The following SLC15A1 variants were observed in gnomAD, a reference collection of about 807,000 sequenced individuals.
The protein encoded by SLC15A1 is solute carrier family 15 member 1.
SLC15A1 carries 83 observed loss-of-function variants against 92.9 expected under a neutral mutation model. The ratio of observed to expected loss-of-function variants is 0.89; its 90% CI spans 0.75 to 1.07. The LOEUF (loss-of-function observed/expected upper bound fraction) is 1.07. Ranked by LOEUF, SLC15A1 falls within the 50% of genes least tolerant of loss-of-function variation. The pLI, the probability that SLC15A1 is intolerant of heterozygous loss-of-function variation, is 0.00. For synonymous variants in SLC15A1, 322 were observed against 318.2 expected (o/e 1.01, Z -0.13); for missense variants, 857 against 880.1 (o/e 0.97, Z 0.33).
chr13:98,684,889 C>T lies in SLC15A1; in HGVS notation c.1962G>A (p.Ala654=), dbSNP rs143994270. 5.3e-5 allele frequency: 86 copies of T among 1,613,538 alleles called. No homozygotes were observed. The Middle Eastern group carries it at 6.6e-4, about 12-fold the overall frequency. The change falls in exon 23 of 23, where the codon GCG becomes GCA. Residue 654 remains alanine (A), a synonymous_variant. Transcript: ENST00000376503. The stretch of plus-strand genomic sequence containing the variant: ...AAATTACACAGACGACCAGAAGCAA[C>T]GCGGCAAATAGAATGTACTCGGCCC... The part of the protein sequence containing the change: ...KQWAEYILFA[A]LLLVVCVIFA...
At position 98,721,839 on chromosome 13, in the gene SLC15A1, A is replaced by T. The variant is rs1362784534; in HGVS notation, c.430T>A (p.Ser144Thr). ...LGTGGIKPCV[S>T]AFGGDQFEEG... is the part of the protein sequence containing the mutation. ...TCAAACTGATCTCCACCAAACGCAG[A>T]CACACAGGGTTTGATTCCTCCAGTC... Residue 144 changes from serine to threonine, a missense_variant, in exon 6 of 23, where the codon TCT becomes ACT. Ser to Thr is a moderately conservative substitution (Grantham distance 58). Transcript: ENST00000376503. 1 of 1,614,128 alleles carries T rather than the reference A, an allele frequency of 6.2e-7. No individual in the cohort carries two copies. Among genetic ancestry groups the T allele is most frequent in the South Asian group, 1.1e-5 (1 of 91,066 alleles).
intron 1 of SLC15A1, 24 bp downstream of exon 1, chr13:98,752,571 C>A (rs2088556244): frequency 4.0e-6 from 5 of 1,262,198 alleles, no homozygotes; most frequent in Admixed American, 4.1e-5. Context: ...TTAGCCCGGC[C>A]GGCCCCCCAC....
At chr13:98,690,521 T>C (rs1387750147) in intron 18 of SLC15A1, among the ~76,000 whole-genome samples, 2 of 152,204 alleles carry the variant, frequency 1.3e-5, no homozygotes, top group Non-Finnish European at 2.9e-5. Context: ...TTATAACTTA[T>C]CAGCCATCAG....
At chr13:98,728,022 G>A (rs1382830847) in intron 1 of SLC15A1, among the ~76,000 whole-genome samples, 2 of 152,184 alleles carry the variant, frequency 1.3e-5, no homozygotes, top group African/African-American at 4.8e-5. Flanking sequence ...ATGGACACTT[G>A]AGCTTGCATT....
chr13:98,690,539 A>T (rs1407327187), intron 18 of SLC15A1, among the ~76,000 whole-genome samples: 1 of 152,198 alleles, frequency 6.6e-6, no homozygotes, highest in Admixed American at 6.5e-5. Flanking sequence ...CAGACTCTGA[A>T]TGAAACCATC....
At position 98,727,181 on chromosome 13, in the gene SLC15A1, T is replaced by C. The variant is rs1261887269; in HGVS notation, c.5-322A>G. ...CCATCGGGATAAAATCCACACATTC[T>C]AGCATGTTCTTCAATATCTGACAAG... On this transcript the variant is annotated intron_variant, in intron 1 of 22. Transcript: ENST00000376503. Among the ~76,000 whole-genome samples, 3 of 152,214 alleles carry C rather than the reference T, an allele frequency of 2.0e-5. No individual in the cohort carries two copies. The East Asian group carries it at 5.8e-4, about 29-fold the overall frequency.
chr13:98,749,056 G>A (rs189887947), intron 1 of SLC15A1, among the ~76,000 whole-genome samples: 28 of 152,352 alleles, frequency 1.8e-4, no homozygotes, highest in Admixed American at 1.3e-4. Context: ...GCTAGGAGGA[G>A]GTGAGTTCCC....
At chr13:98,752,482 G>A in intron 1 of SLC15A1, 113 bp downstream of exon 1, 1 of 1,036,998 alleles carries the variant, frequency 9.6e-7, no homozygotes. Flanking sequence ...CCTTCGGGTC[G>A]CCCCGCTTCC....
At position 98,688,458 on chromosome 13, in the gene SLC15A1, C is replaced by G. The variant is rs2087949195; in HGVS notation, c.1574+12G>C. 1 of 1,612,086 alleles carries G rather than the reference C, an allele frequency of 6.2e-7. No individual in the cohort carries two copies. ...TGAACCTTTGAGTGAAGCATTCAGT[C>G]TCGGTACTTACATGCCAGAAGGAAA... is the stretch of plus-strand genomic sequence containing the variant. On this transcript the variant is annotated intron_variant, in intron 19 of 22. Transcript: ENST00000376503.
Position 98,684,065 on chromosome 13 carries a change from A to G in SLC15A1, c.*659T>C, listed in dbSNP as rs1344968593. 5 of 152,296 alleles carry G rather than the reference A, an allele frequency of 3.3e-5. No individual in the cohort carries two copies. The highest frequency in any genetic ancestry group is 1.2e-4 in the African/African-American group (5 of 41,472). The allele number at this position is 152,296 out of a possible 1,614,324, so 9.4% of individuals were successfully genotyped here. On this transcript the variant is annotated 3_prime_UTR_variant, in exon 23 of 23. Coordinates refer to ENST00000376503, the MANE Select transcript of SLC15A1 (RefSeq NM_005073.4). ...AGAGTATTAGAAATGAACAGTATGG[A>G]ATAGGAAACTTTGTTACCATTTCAA...
chr13:98,724,676 C>T (rs529543582), intron 4 of SLC15A1, among the ~76,000 whole-genome samples: 5 of 152,058 alleles, frequency 3.3e-5, no homozygotes, highest in African/African-American at 4.8e-5. Flanking sequence ...GGTTTCACCA[C>T]GTTAGCCAGG....
At chr13:98,712,930 T>C (rs1252586361) in intron 9 of SLC15A1, among the ~76,000 whole-genome samples, 5 of 152,232 alleles carry the variant, frequency 3.3e-5, no homozygotes, top group African/African-American at 1.2e-4. Flanking sequence ...TTGTATAACA[T>C]GATAAACCCC....
At chr13:98,702,173 T>G (rs2088073463) in intron 18 of SLC15A1, among the ~76,000 whole-genome samples, 2 of 152,206 alleles carry the variant, frequency 1.3e-5, no homozygotes, top group Non-Finnish European at 2.9e-5. Flanking sequence ...GTAGATGTCC[T>G]TTTTCAGGGT....
At chr13:98,747,259 G>C (rs549129537) in intron 1 of SLC15A1, among the ~76,000 whole-genome samples, 2 of 152,298 alleles carry the variant, frequency 1.3e-5, no homozygotes, top group Admixed American at 6.5e-5. Flanking sequence ...ATGTGGAAAG[G>C]TTCCTCAGGC....
chr13:98,726,546 T>C (rs1462598572), intron 2 of SLC15A1, 97 bp from the exon 3 acceptor site: 2 of 1,069,996 alleles, frequency 1.9e-6, no homozygotes, highest in African/African-American at 3.1e-5. Context: ...CCAACGCAGA[T>C]TCAGTAACTT....
rs887590620 is a variant in SLC15A1 at position 98,702,378 on chromosome 13, A to G, written c.1466+102T>C. ...GCCTTACATTGCTGGGACAAACCCT[A>G]TAATCTCATTTTATATCCTTGTTAC... On this transcript the variant is annotated intron_variant, in intron 18 of 22. Coordinates refer to ENST00000376503, the MANE Select transcript of SLC15A1 (RefSeq NM_005073.4). The G allele has an allele frequency of 4.7e-6, 4 of 860,104 alleles. No individual in the cohort carries two copies. In the African/African-American group the frequency reaches 5.1e-5, roughly 11 times the overall value. 53.3% of individuals were successfully genotyped at this position (860,104 alleles called of 1,614,324 possible).
At chr13:98,707,077 T>C (rs558351968) in intron 15 of SLC15A1, among the ~76,000 whole-genome samples, 27 of 152,272 alleles carry the variant, frequency 1.8e-4, no homozygotes, top group African/African-American at 5.5e-4. Flanking sequence ...TGTTCAGAGT[T>C]TTTGTCTTTT....
At chr13:98,716,009 C>T in intron 8 of SLC15A1, 49 bp from the exon 9 acceptor site, 1 of 1,502,150 alleles carries the variant, frequency 6.7e-7, no homozygotes, top group South Asian at 1.1e-5. Context: ...GACCGAGCGC[C>T]CTGTGGCCTA....
intron 1 of SLC15A1, among the ~76,000 whole-genome samples, chr13:98,729,007 C>A (rs111555553): frequency 0.36 from 24,062 of 66,590 alleles, 4,435 homozygotes; most frequent in East Asian, 0.44. Flanking sequence ...AAAAAAAAAA[C>A]AACAAGCCCC....
Sources: gnomAD v4.1 joint callset for allele counts (sites outside exome capture counted in the v4.1 genomes callset) on GRCh38, gnomAD v4.1.1 for gene constraint, MANE v1.5 for transcripts, NCBI Gene and HGNC (gene_info 2026-07-23, HGNC 2026-07-21) for gene names.